TENM2: variants seen among roughly 807,000 people sequenced by gnomAD.
TENM2 encodes the protein teneurin-2.
TENM2 carries 52 observed loss-of-function variants against 245.2 expected under a neutral mutation model. That is an observed-to-expected ratio of 0.21 (90% CI 0.17 to 0.27). TENM2 has a LOEUF of 0.27. Among genes scored for constraint, TENM2 ranks in the 10% least tolerant of loss-of-function variants. The pLI, the probability that TENM2 is intolerant of heterozygous loss-of-function variation, is 1.00. For synonymous variants in TENM2, 1,363 were observed against 1,438.9 expected, an observed-to-expected ratio of 0.95 and a Z score of 1.19; for missense variants, 3,046 against 3,666.8, an observed-to-expected ratio of 0.83 and a Z score of 4.37.
the TENM2 span, among the ~76,000 whole-genome samples, chr5:167,083,766 A>G: frequency 6.6e-6 from 1 of 152,200 alleles, no homozygotes; most frequent in African/African-American, 2.4e-5. Context: ...AGTTTGACTC[A>G]TCAGCAGTCT....
intron 3 of TENM2, among the ~76,000 whole-genome samples, chr5:167,917,520 C>T (rs970323655): frequency 4.6e-5 from 7 of 151,992 alleles, no homozygotes; most frequent in African/African-American, 9.7e-5. Context: ...AGCAAGGGTA[C>T]GTAATGACAG....
chr5:167,267,147 C>A, the TENM2 span, among the ~76,000 whole-genome samples: 1 of 152,142 alleles, frequency 6.6e-6, no homozygotes, highest in South Asian at 2.1e-4. Context: ...ATCTGACTGA[C>A]ATTTGATTCT....
At chr5:167,647,344 G>A (rs766785725) in intron 2 of TENM2, among the ~76,000 whole-genome samples, 3 of 152,086 alleles carry the variant, frequency 2.0e-5, no homozygotes, top group Non-Finnish European at 2.9e-5. Context: ...GAGGATGGCC[G>A]GGCGCAGTGG....
intron 1 of TENM2, among the ~76,000 whole-genome samples, chr5:167,341,407 C>G (rs559693113): frequency 6.6e-6 from 1 of 152,048 alleles, no homozygotes; most frequent in African/African-American, 2.4e-5. Context: ...GATTTGTTTA[C>G]TTATTTTATG....
the TENM2 span, among the ~76,000 whole-genome samples, chr5:167,010,021 A>T: frequency 6.6e-6 from 1 of 152,204 alleles, no homozygotes; most frequent in Admixed American, 6.5e-5. Flanking sequence ...TTCAGTTCAG[A>T]CATGAACCAC....
intron 23 of TENM2, among the ~76,000 whole-genome samples, chr5:168,221,684 C>A (rs1274592514): frequency 6.6e-6 from 1 of 152,168 alleles, no homozygotes. Context: ...GGACATCCAA[C>A]CGTGGAATTA....
At chr5:167,034,742 G>T in the TENM2 span, among the ~76,000 whole-genome samples, 1 of 150,720 alleles carries the variant, frequency 6.6e-6, no homozygotes, top group African/African-American at 2.4e-5. Context: ...CTCTATCTGT[G>T]TCGACAATTT....
intron 9 of TENM2, among the ~76,000 whole-genome samples, chr5:168,111,614 T>G (rs1371964160): frequency 6.6e-6 from 1 of 152,146 alleles, no homozygotes; most frequent in Non-Finnish European, 1.5e-5. Context: ...AAAACTGAGA[T>G]GCCAAGGTCA....
chr5:167,282,208 G>A (rs1771104634), upstream of TENM2, among the ~76,000 whole-genome samples: 1 of 152,148 alleles, frequency 6.6e-6, no homozygotes, highest in Non-Finnish European at 1.5e-5. Context: ...AGTGAAGCAA[G>A]AGAGAAGAAA....
chr5:166,986,420 A>T, the TENM2 span, among the ~76,000 whole-genome samples: 1 of 152,132 alleles, frequency 6.6e-6, no homozygotes, highest in Non-Finnish European at 1.5e-5. Context: ...ATCATCATAC[A>T]TTTTTGGAAA....
chr5:168,257,310 C>G (rs1282866901), intron 27 of TENM2, among the ~76,000 whole-genome samples: 1 of 152,038 alleles, frequency 6.6e-6, no homozygotes, highest in African/African-American at 2.4e-5. Context: ...TTGGCCTTAC[C>G]GGGCAGGCAG....
rs1756223889 is a variant in TENM2, at chr5:167,314,341, A to G, written c.226+29278A>G. Reference sequence around the variant, plus strand: ...CTGAATTTCATTAAGTAGGTTGTTAATAAAATGAGGAATGATATATCACAA... The same window carrying G: ...CTGAATTTCATTAAGTAGGTTGTTAGTAAAATGAGGAATGATATATCACAA... On this transcript the variant is annotated intron_variant, in intron 1 of 28. Coordinates refer to ENST00000518659, the Ensembl canonical transcript of TENM2. Among the ~76,000 whole-genome samples, 3 of 152,194 alleles carry G rather than the reference A, an allele frequency of 2.0e-5. No individual in the cohort carries two copies. The South Asian group carries it at 6.2e-4, about 31-fold the overall frequency.
At chr5:167,595,992 G>C (rs533556873) in intron 2 of TENM2, among the ~76,000 whole-genome samples, 1 of 152,194 alleles carries the variant, frequency 6.6e-6, no homozygotes, top group Non-Finnish European at 1.5e-5. Context: ...TCTACCTAAG[G>C]ATATTGTTAA....
chr5:167,242,046 GTT>G, the TENM2 span, among the ~76,000 whole-genome samples: 287 of 131,482 alleles, frequency 2.2e-3, no homozygotes, highest in African/African-American at 7.7e-3. Context: ...TTTGTTTTTT[GTT>G]TTTTTTTTTT....
At chr5:167,539,120 G>A (rs1772035709) in intron 2 of TENM2, among the ~76,000 whole-genome samples, 1 of 151,980 alleles carries the variant, frequency 6.6e-6, no homozygotes, top group African/African-American at 2.4e-5. Context: ...GCATTCACAG[G>A]TGAGTAGTTT....
chr5:168,168,970 CA>C (rs1346168555), intron 13 of TENM2, among the ~76,000 whole-genome samples: 1 of 152,110 alleles, frequency 6.6e-6, no homozygotes, highest in Non-Finnish European at 1.5e-5. Context: ...CTAAAGCAAA[CA>C]TGACATATGT....
intron 1 of TENM2, among the ~76,000 whole-genome samples, chr5:167,338,530 T>C (rs563427494): frequency 6.6e-6 from 1 of 152,232 alleles, no homozygotes; most frequent in African/African-American, 2.4e-5. Flanking sequence ...GCTGTAAGGG[T>C]AATAAATGTT....
At chr5:168,122,126 C>T (rs1795508670) in intron 10 of TENM2, among the ~76,000 whole-genome samples, 1 of 152,236 alleles carries the variant, frequency 6.6e-6, no homozygotes, top group Non-Finnish European at 1.5e-5. Flanking sequence ...TATTCCCTTA[C>T]CTGTGCTAGG....
At chr5:167,470,012 C>A (rs374051080) in intron 2 of TENM2, among the ~76,000 whole-genome samples, 1 of 152,212 alleles carries the variant, frequency 6.6e-6, no homozygotes, top group East Asian at 1.9e-4. Flanking sequence ...CAAATAATTT[C>A]TCTTTACGAG....
Sources: gnomAD v4.1 joint callset for allele counts (sites outside exome capture counted in the v4.1 genomes callset) on GRCh38, gnomAD v4.1.1 for gene constraint, MANE v1.5 for transcripts, NCBI Gene and HGNC (gene_info 2026-07-23, HGNC 2026-07-21) for gene names.